The following OSTF1 variants were observed in gnomAD, a reference collection of about 807,000 sequenced individuals.
OSTF1 encodes the protein osteoclast-stimulating factor 1.
A neutral mutation model predicts 37.2 loss-of-function variants in OSTF1; 27 were observed. The ratio of observed to expected loss-of-function variants is 0.73; its 90% CI spans 0.54 to 1.00. The LOEUF (loss-of-function observed/expected upper bound fraction) is 1.00, where lower values mean the gene tolerates loss of function less well. OSTF1 is among the 50% of genes least tolerant of loss of function. The probability of loss-of-function intolerance (pLI) is 0.00; values close to 1 mark genes in which losing one functional copy is unlikely to be tolerated. For missense variants in OSTF1, 232 were observed against 253.8 expected (o/e 0.91, Z 0.58); for synonymous variants, 82 against 89.2 (o/e 0.92, Z 0.46).
chr9:75,105,536 A>G (rs2118446375), intron 1 of OSTF1, among the ~76,000 whole-genome samples: 1 of 152,360 alleles, frequency 6.6e-6, no homozygotes, highest in South Asian at 2.1e-4. Flanking sequence ...TTAAACATGT[A>G]AAACCATTCT....
At chr9:75,124,661 T>A (rs1226331814) in intron 2 of OSTF1, among the ~76,000 whole-genome samples, 1 of 152,220 alleles carries the variant, frequency 6.6e-6, no homozygotes, top group Non-Finnish European at 1.5e-5. Flanking sequence ...ATCAACCCTG[T>A]ACCCATTAAA....
In OSTF1 at chr9:75,134,345, G is replaced by A. The variant is rs1443341867; in HGVS notation, c.359-1G>A. On this transcript the variant is annotated splice_acceptor_variant, in intron 6 of 9. Coordinates refer to ENST00000346234, the MANE Select transcript of OSTF1 (RefSeq NM_012383.5). LOFTEE classifies it high-confidence loss of function. ...AGGTATCTTTTCTCTTTGAATTTCA[G>A]ATATAGTGGAAATGCTATTTACTCA... 6.5e-7 allele frequency: 1 copy of A among 1,528,094 alleles called. No homozygotes were observed. The highest frequency in any genetic ancestry group is 9.0e-7 in the Non-Finnish European group (1 of 1,108,676). 94.7% of individuals were successfully genotyped at this position (1,528,094 alleles called of 1,614,324 possible).
intron 9 of OSTF1, among the ~76,000 whole-genome samples, chr9:75,144,490 T>A (rs1011788858): frequency 1.3e-5 from 2 of 152,190 alleles, no homozygotes; most frequent in Non-Finnish European, 2.9e-5. Context: ...AAGTCAAGGC[T>A]GCAGTGAGCC....
intron 8 of OSTF1, 41 bp downstream of exon 8, chr9:75,137,657 G>GA: frequency 8.0e-7 from 1 of 1,252,644 alleles, no homozygotes; most frequent in East Asian, 2.3e-5. Flanking sequence ...TGCTTGCCCT[G>GA]AAAAATAGTC....
intron 2 of OSTF1, among the ~76,000 whole-genome samples, 171 bp from the exon 3 acceptor site, chr9:75,127,397 GC>G (rs1436538583): frequency 6.6e-6 from 1 of 152,074 alleles, no homozygotes; most frequent in Non-Finnish European, 1.5e-5. Context: ...AAAAAATCTA[GC>G]CGTCTATTCA....
chr9:75,109,935 C>A, intron 1 of OSTF1, among the ~76,000 whole-genome samples: 1 of 152,152 alleles, frequency 6.6e-6, no homozygotes, highest in Non-Finnish European at 1.5e-5. Flanking sequence ...TTTAGTTTTA[C>A]AGCAAAATTG....
rs1016994398 is a variant in OSTF1 at position 75,147,055 on chromosome 9, T to A, written c.*314T>A. 6.1e-6 allele frequency: 1 copy of A among 163,124 alleles called. No individual in the cohort carries two copies. Among genetic ancestry groups the A allele is most frequent in the Non-Finnish European group, 1.3e-5 (1 of 79,292 alleles). The allele number at this position is 163,124 out of a possible 1,614,324, so 10.1% of individuals were successfully genotyped here. On this transcript the variant is annotated 3_prime_UTR_variant, in exon 10 of 10. Coordinates refer to ENST00000346234, the MANE Select transcript of OSTF1 (RefSeq NM_012383.5). ...AGGATTTTTTTTTTTTTTTTTTTTT[T>A]AGTTAAAATGCTTTACCTCAATGGT...
chr9:75,127,703 G>A, intron 3 of OSTF1, 84 bp downstream of exon 3: 1 of 752,314 alleles, frequency 1.3e-6, no homozygotes, highest in Non-Finnish European at 2.2e-6. Flanking sequence ...AAATATATAT[G>A]TACATAGAAA....
Position 75,118,859 on chromosome 9 carries a change from G to A in OSTF1, c.81+1309G>A, listed in dbSNP as rs1010470570. 4.6e-5 allele frequency among the ~76,000 whole-genome samples: 7 copies of A among 152,158 alleles called. No homozygotes were observed. The South Asian group carries it at 6.2e-4, about 14-fold the overall frequency. On this transcript the variant is annotated intron_variant, in intron 2 of 9. Coordinates refer to ENST00000346234, the MANE Select transcript of OSTF1 (RefSeq NM_012383.5). Reference sequence around the variant, plus strand: ...CACCAGGTGCCTCCCACAACACATGGGGATTATGGGACCTACAATTCAAGG... The same window carrying A: ...CACCAGGTGCCTCCCACAACACATGAGGATTATGGGACCTACAATTCAAGG...
At chr9:75,115,401 C>G (rs929850564) in intron 1 of OSTF1, among the ~76,000 whole-genome samples, 2 of 152,146 alleles carry the variant, frequency 1.3e-5, no homozygotes, top group Admixed American at 6.6e-5. Flanking sequence ...AGGCTATTCT[C>G]CTGCCTCAGC....
rs2118628216 is a variant in OSTF1, at chr9:75,140,744, T to G, written c.488-90T>G. 5.1e-6 allele frequency: 4 copies of G among 786,408 alleles called. No individual in the cohort carries two copies. In the South Asian group the frequency reaches 6.6e-5, roughly 13 times the overall value. 48.7% of individuals were successfully genotyped at this position (786,408 alleles called of 1,614,324 possible). A position where few individuals can be genotyped will look rare whatever the true frequency, so the allele number is the denominator to read the frequency against. On this transcript the variant is annotated intron_variant, in intron 8 of 9. Coordinates refer to ENST00000346234, the MANE Select transcript of OSTF1 (RefSeq NM_012383.5). ...GCCAGAGTTGTTCACTAGTTTATTT[T>G]GCCAAAAGTTGTTAGCTGTGGGGAG...
At chr9:75,133,434 C>G (rs764380084) in intron 6 of OSTF1, 33 bp downstream of exon 6, 8 of 1,295,356 alleles carry the variant, frequency 6.2e-6, no homozygotes, top group Admixed American at 1.8e-5. Flanking sequence ...TGTTTCTATG[C>G]TGCTGAAAAT....
Position 75,131,170 on chromosome 9 carries a change from A to C in OSTF1, c.196+529A>C, listed in dbSNP as rs57279150. On this transcript the variant is annotated intron_variant, in intron 4 of 9. Transcript: ENST00000346234. ...GCAGAATCAAGTCAAAAGAGCACAG[A>C]ATTGATAAACAAGGCTCCTGAGTTT... Among the ~76,000 whole-genome samples the C allele has an allele frequency of 9.2e-3, 1,404 of 152,358 alleles. 23 individuals are homozygous for C. The highest frequency in any genetic ancestry group is 0.031 in the African/African-American group (1,276 of 41,574).
At chr9:75,110,705 CA>C (rs1564158206) in intron 1 of OSTF1, among the ~76,000 whole-genome samples, 1 of 151,632 alleles carries the variant, frequency 6.6e-6, no homozygotes, top group Non-Finnish European at 1.5e-5. Flanking sequence ...TTATAGTGAG[CA>C]GTTTCTTTCT....
intron 1 of OSTF1, among the ~76,000 whole-genome samples, chr9:75,105,689 A>G (rs534009804): frequency 6.6e-6 from 1 of 151,882 alleles, no homozygotes; most frequent in African/African-American, 2.4e-5. Flanking sequence ...CATTTTTCCC[A>G]AGGTCTCCTC....
intron 8 of OSTF1, among the ~76,000 whole-genome samples, chr9:75,140,219 G>A (rs116950237): frequency 1.0e-3 from 153 of 152,308 alleles, no homozygotes; most frequent in Non-Finnish European, 1.7e-3. Flanking sequence ...GTTAAGAATG[G>A]TTACCTTAGG....
Position 75,141,060 on chromosome 9 carries a change from A to T in OSTF1, c.586+128A>T. ...ATACCTGTAATCCCAGCACTTTGGG[A>T]GGCCAAGGCAGGAGGTTCACTTGAG... On this transcript the variant is annotated intron_variant, in intron 9 of 9. Transcript: ENST00000346234. 6 of 583,434 alleles carry T rather than the reference A, an allele frequency of 1.0e-5. No individual in the cohort carries two copies. In the South Asian group the frequency reaches 1.2e-4, roughly 11 times the overall value. 36.1% of individuals were successfully genotyped at this position (583,434 alleles called of 1,614,324 possible).
chr9:75,141,343 A>AAAAAAAAAAG (rs1825941530), intron 9 of OSTF1, among the ~76,000 whole-genome samples: 2 of 147,920 alleles, frequency 1.4e-5, no homozygotes, highest in South Asian at 2.1e-4. Flanking sequence ...AAAAAAAGAT[A>AAAAAAAAAAG]AACTCTTCAG....
intron 1 of OSTF1, 97 bp downstream of exon 1, chr9:75,088,823 G>T: frequency 8.0e-7 from 1 of 1,245,180 alleles, no homozygotes; most frequent in South Asian, 1.3e-5. Flanking sequence ...CGCGCACCCG[G>T]CCCCGAGCCT....
Sources: gnomAD v4.1 joint callset for allele counts (sites outside exome capture counted in the v4.1 genomes callset) on GRCh38, gnomAD v4.1.1 for gene constraint, MANE v1.5 for transcripts, NCBI Gene and HGNC (gene_info 2026-07-23, HGNC 2026-07-21) for gene names.